TUSC3: variants seen among roughly 807,000 people sequenced by gnomAD.
TUSC3 encodes dolichyl-diphosphooligosaccharide--protein glycosyltransferase subunit TUSC3.
A neutral mutation model predicts 44.8 loss-of-function variants in TUSC3; 45 were observed. The ratio of observed to expected loss-of-function variants is 1.00; its 90% confidence interval spans 0.79 to 1.29. The LOEUF is 1.29. Among genes scored for constraint, TUSC3 ranks in the 50% most tolerant of loss-of-function variants. TUSC3 has a pLI of 0.00. For missense variants in TUSC3, 519 were observed against 437.9 expected, an observed-to-expected ratio of 1.19 and a Z score of -1.65; for synonymous variants, 212 against 152.9, an observed-to-expected ratio of 1.39 and a Z score of -2.85.
chr8:15,470,954 A>G (rs1438956070), intron 1 of TUSC3, among the ~76,000 whole-genome samples: 6 of 149,954 alleles, frequency 4.0e-5, no homozygotes, highest in Non-Finnish European at 7.4e-5. Context: ...AGTGAGTGGG[A>G]AAATGAATGA....
intron 1 of TUSC3, among the ~76,000 whole-genome samples, chr8:15,436,885 C>T (rs535295121): frequency 6.6e-6 from 1 of 152,200 alleles, no homozygotes; most frequent in Non-Finnish European, 1.5e-5. Context: ...ACTTTTAGGG[C>T]AGTGCATATT....
chr8:15,793,242 C>T, the TUSC3 span, among the ~76,000 whole-genome samples: 2 of 152,136 alleles, frequency 1.3e-5, no homozygotes, highest in African/African-American at 4.8e-5. Context: ...GCCCACCTAA[C>T]TATGGAAACT....
the TUSC3 span, among the ~76,000 whole-genome samples, chr8:15,808,531 C>G: frequency 6.6e-6 from 1 of 152,120 alleles, no homozygotes; most frequent in Non-Finnish European, 1.5e-5. Context: ...TTTAATGAGA[C>G]TGTCCAGAAT....
rs10095060 is a variant in TUSC3 at position 15,726,700 on chromosome 8, C to T, written c.799-3966C>T. 1.1e-4 allele frequency among the ~76,000 whole-genome samples: 17 copies of T among 151,870 alleles called. 1 individual carries two copies. The highest frequency in any genetic ancestry group is 3.9e-4 in the African/African-American group (16 of 41,352). ...GCACACCTGTAATCCCAGCTACTCT[C>T]GAGGCTGAGGCAGGATAATCGTTTG... is the stretch of plus-strand genomic sequence containing the variant. On this transcript the variant is annotated intron_variant, in intron 6 of 10. Coordinates refer to ENST00000503731, the MANE Select transcript of TUSC3 (RefSeq NM_006765.4).
intron 2 of TUSC3, among the ~76,000 whole-genome samples, chr8:15,630,575 A>G (rs1343725459): frequency 6.6e-6 from 1 of 152,124 alleles, no homozygotes; most frequent in African/African-American, 2.4e-5. Context: ...ACAGCTAGTA[A>G]CTGTTCAGGG....
intron 8 of TUSC3, among the ~76,000 whole-genome samples, chr8:15,747,762 A>AACAGTAACAATATTTT (rs1811484409): frequency 6.6e-6 from 1 of 152,070 alleles, no homozygotes; most frequent in African/African-American, 2.4e-5. Context: ...TTGTAAGACA[A>AACAGTAACAATATTTT]ACAGTAACAA....
chr8:15,732,793 C>T (rs1046545677), intron 7 of TUSC3, among the ~76,000 whole-genome samples: 4 of 152,080 alleles, frequency 2.6e-5, no homozygotes, highest in Non-Finnish European at 5.9e-5. Context: ...CGAAAAGATA[C>T]CTTTCTGAAA....
At position 15,762,044 on chromosome 8, in the gene TUSC3, T is replaced by C. The variant is rs553979112; in HGVS notation, c.*47-2159T>C. On this transcript the variant is annotated intron_variant, in intron 10 of 10. Coordinates refer to ENST00000503731, the MANE Select transcript of TUSC3 (RefSeq NM_006765.4). Reference sequence around the variant, plus strand: ...CATACTGGAACATACTTTGGAAATTTAATATTTATAATTTAATATTTATAT... The same window carrying C: ...CATACTGGAACATACTTTGGAAATTCAATATTTATAATTTAATATTTATAT... 1.1e-4 allele frequency among the ~76,000 whole-genome samples: 16 copies of C among 151,984 alleles called. 1 individual carries two copies. In the South Asian group the frequency reaches 2.5e-3, roughly 24 times the overall value.
rs903692836 is a variant in TUSC3, at chr8:15,603,838, T to C, written c.139-19242T>C. On this transcript the variant is annotated intron_variant, in intron 1 of 10. Coordinates refer to ENST00000503731, the MANE Select transcript of TUSC3 (RefSeq NM_006765.4). ...TGAAATGTTAAATTTTACAGACTTA[T>C]GTAAATGAAGATGTTTTTCCCCTTT... Among the ~76,000 whole-genome samples the C allele has an allele frequency of 2.0e-5, 3 of 151,538 alleles. No homozygotes were observed. The Admixed American group carries it at 2.0e-4, about 10-fold the overall frequency.
chr8:15,683,052 A>G (rs1256780339), intron 6 of TUSC3, among the ~76,000 whole-genome samples: 1 of 152,128 alleles, frequency 6.6e-6, no homozygotes, highest in Non-Finnish European at 1.5e-5. Flanking sequence ...CAGAGGTGAT[A>G]TGACCCTTTT....
At chr8:15,457,140 G>A (rs1022014673) in intron 1 of TUSC3, among the ~76,000 whole-genome samples, 11 of 145,288 alleles carry the variant, frequency 7.6e-5, no homozygotes, top group African/African-American at 2.5e-4. Flanking sequence ...ACACAGGAAG[G>A]GGAAGATCAC....
intron 6 of TUSC3, among the ~76,000 whole-genome samples, chr8:15,686,043 C>T (rs1808614566): frequency 6.6e-6 from 1 of 151,984 alleles, no homozygotes; most frequent in Non-Finnish European, 1.5e-5. Flanking sequence ...TGATGCGGTG[C>T]TGCTTTGCAA....
intron 6 of TUSC3, among the ~76,000 whole-genome samples, chr8:15,698,831 T>C (rs1025030270): frequency 6.6e-6 from 1 of 150,760 alleles, no homozygotes; most frequent in Admixed American, 6.6e-5. Context: ...TCTGAAAGCA[T>C]GGACCATTCT....
chr8:15,845,265 T>C, the TUSC3 span, among the ~76,000 whole-genome samples: 1 of 152,160 alleles, frequency 6.6e-6, no homozygotes, highest in Non-Finnish European at 1.5e-5. Context: ...GGTAGCCATG[T>C]GACCCTGCGC....
chr8:15,629,974 C>T (rs1423371716), intron 2 of TUSC3, among the ~76,000 whole-genome samples: 4 of 151,712 alleles, frequency 2.6e-5, no homozygotes, highest in African/African-American at 9.7e-5. Context: ...ATTAAGACTA[C>T]TCTATATAAT....
At chr8:15,518,592 ATCCTT>A (rs1479588318) in intron 2 of TUSC3, among the ~76,000 whole-genome samples, 1 of 152,150 alleles carries the variant, frequency 6.6e-6, no homozygotes, top group African/African-American at 2.4e-5. Flanking sequence ...TAATATTTAT[ATCCTT>A]TCCTTTTTTT....
At chr8:15,623,996 C>T (rs1032368086) in intron 2 of TUSC3, among the ~76,000 whole-genome samples, 3 of 152,078 alleles carry the variant, frequency 2.0e-5, no homozygotes, top group Admixed American at 2.0e-4. Context: ...CCTCTGACCT[C>T]TGGCAATCAC....
At chr8:15,849,838 G>C in the TUSC3 span, among the ~76,000 whole-genome samples, 3 of 152,192 alleles carry the variant, frequency 2.0e-5, no homozygotes, top group South Asian at 6.2e-4. Context: ...ATCTTGAAAT[G>C]AGACTTTGTG....
chr8:15,826,306 A>G, the TUSC3 span, among the ~76,000 whole-genome samples: 2 of 152,172 alleles, frequency 1.3e-5, no homozygotes, highest in Admixed American at 1.3e-4. Context: ...GCCACACCTC[A>G]ACTATAATCA....
Sources: gnomAD v4.1 joint callset for allele counts (sites outside exome capture counted in the v4.1 genomes callset) on GRCh38, gnomAD v4.1.1 for gene constraint, MANE v1.5 for transcripts, NCBI Gene and HGNC (gene_info 2026-07-23, HGNC 2026-07-21) for gene names.